The following PREPL variants were observed in gnomAD, a reference collection of about 807,000 sequenced individuals.
PREPL encodes the protein prolyl endopeptidase-like.
A neutral mutation model predicts 70.6 loss-of-function variants in PREPL; 77 were observed. That is an observed-to-expected ratio of 1.09 (90% CI 0.91 to 1.32). The LOEUF (loss-of-function observed/expected upper bound fraction) is 1.32, where lower values mean the gene tolerates loss of function less well. Among genes scored for constraint, PREPL ranks in the 40% most tolerant of loss-of-function variants. The pLI is 0.00. For missense variants in PREPL, 1,002 were observed against 778.2 expected (o/e 1.29, Z -3.42); for synonymous variants, 315 against 264.8 (o/e 1.19, Z -1.84).
chr2:44,332,252 C>G (rs1017478187), intron 8 of PREPL, among the ~76,000 whole-genome samples: 3 of 152,106 alleles, frequency 2.0e-5, no homozygotes, highest in Non-Finnish European at 4.4e-5. Flanking sequence ...GGCCGACATG[C>G]TATAAATTTT....
chr2:44,330,082 T>G (rs1673938675), intron 8 of PREPL, among the ~76,000 whole-genome samples: 1 of 151,912 alleles, frequency 6.6e-6, no homozygotes, highest in South Asian at 2.1e-4. Flanking sequence ...CCCAAGTTGT[T>G]ATGACATTGT....
intron 1 of PREPL, among the ~76,000 whole-genome samples, chr2:44,348,380 G>GAATA (rs1676049822): frequency 6.6e-6 from 1 of 152,136 alleles, no homozygotes; most frequent in Non-Finnish European, 1.5e-5. Flanking sequence ...AATCTATTCT[G>GAATA]AAACTGTAAA....
chr2:44,323,408 G>A lies in PREPL; in HGVS notation c.1483C>T (p.Pro495Ser), dbSNP rs757659663. 84 of 1,575,988 alleles carry A rather than the reference G, an allele frequency of 5.3e-5. No homozygotes were observed. The highest frequency in any genetic ancestry group is 7.0e-5 in the Non-Finnish European group (81 of 1,165,248). Residue 495 changes from proline (P) to serine (S), a missense_variant, in exon 11 of 14, where the codon CCT becomes TCT. Pro to Ser is a moderately conservative substitution (Grantham distance 74, BLOSUM62 -1). Coordinates refer to ENST00000409411, the MANE Select transcript of PREPL (RefSeq NM_001171613.2). ...ELVRAVTLEA[P>S]FLDVLNTMMD... ...ATGGTGTTGAGAACATCCAAGAAAG[G>A]TGCCTAAAAAAAAGGCAAAGAAACT...
chr2:44,319,371 TTAAG>T lies in PREPL; in HGVS notation c.*1981_*1984del, dbSNP rs1273243078. The stretch of plus-strand genomic sequence containing the variant: ...GTAACTGTCTTTCTGATAATCTATC[TTAAG>T]TAATACAAAAATGGGGGGAGGGGAA... On this transcript the variant is annotated 3_prime_UTR_variant, in exon 14 of 14. Transcript: ENST00000409411. The T allele has an allele frequency of 2.0e-5, 3 of 152,672 alleles. No homozygotes were observed. Among genetic ancestry groups the T allele is most frequent in the African/African-American group, 2.4e-5 (1 of 41,536 alleles). 9.5% of individuals were successfully genotyped at this position (152,672 alleles called of 1,614,324 possible). A position where few individuals can be genotyped will look rare whatever the true frequency, so the allele number is the denominator to read the frequency against.
In PREPL at chr2:44,334,968, C is replaced by T. The variant is rs76937533; in HGVS notation, c.889-2312G>A. Among the ~76,000 whole-genome samples, 556 of 152,228 alleles carry T rather than the reference C, an allele frequency of 3.7e-3. 2 individuals carry two copies. The highest frequency in any genetic ancestry group is 0.013 in the African/African-American group (537 of 41,548). ...CGCTATGGTTAAAGATTTTGTCTTT[C>T]GTGTATGGATGGCACTGTCTATGTA... On this transcript the variant is annotated intron_variant, in intron 7 of 13. Transcript: ENST00000409411.
At chr2:44,334,675 A>G (rs1674455616) in intron 7 of PREPL, among the ~76,000 whole-genome samples, 1 of 152,142 alleles carries the variant, frequency 6.6e-6, no homozygotes, top group African/African-American at 2.4e-5. Context: ...CCTCCAGAAT[A>G]GCTCGGACTA....
chr2:44,340,912 A>C (rs2103948995), intron 5 of PREPL, among the ~76,000 whole-genome samples: 1 of 147,536 alleles, frequency 6.8e-6, no homozygotes, highest in East Asian at 2.0e-4. Context: ...TGGGTGACAG[A>C]GTGAGACTCT....
intron 7 of PREPL, among the ~76,000 whole-genome samples, chr2:44,336,762 C>T (rs1019706856): frequency 2.0e-5 from 3 of 151,934 alleles, no homozygotes; most frequent in Admixed American, 2.0e-4. Context: ...CTTTGCACTC[C>T]AGCAGATGAA....
chr2:44,331,579 C>T (rs1026135076), intron 8 of PREPL, among the ~76,000 whole-genome samples: 1 of 152,120 alleles, frequency 6.6e-6, no homozygotes, highest in Non-Finnish European at 1.5e-5. Flanking sequence ...TCCCCTATCT[C>T]CTTTCTAGTT....
chr2:44,334,155 T>G lies in PREPL; in HGVS notation c.889-1499A>C, dbSNP rs1219854211. On this transcript the variant is annotated intron_variant, in intron 7 of 13. Transcript: ENST00000409411. The stretch of plus-strand genomic sequence containing the variant: ...AGTATTAACTAACTCAAGGATATCT[T>G]AAGCCACATTTCCTATTCAGATAAG... 8.5e-5 allele frequency among the ~76,000 whole-genome samples: 13 copies of G among 152,352 alleles called. No individual in the cohort carries two copies. In the East Asian group the frequency reaches 2.3e-3, roughly 27 times the overall value.
chr2:44,341,525 TTAAAAA>T (rs1440913003), intron 5 of PREPL, among the ~76,000 whole-genome samples: 4 of 152,048 alleles, frequency 2.6e-5, no homozygotes, highest in Admixed American at 2.6e-4. Flanking sequence ...TGATGACAAA[TTAAAAA>T]TAAACTACTT....
In PREPL at chr2:44,346,259, A is replaced by G. The variant is rs772193990; in HGVS notation, c.75+9T>C. 3.7e-6 allele frequency: 6 copies of G among 1,604,222 alleles called. No homozygotes were observed. The highest frequency in any genetic ancestry group is 2.2e-5 in the South Asian group (2 of 88,938). ...AAAAATTTTTTTTTAAAGACATGAG[A>G]TATCTTACTTCCACATTGATGATTT... On this transcript the variant is annotated intron_variant, in intron 2 of 13. Transcript: ENST00000409411.
intron 9 of PREPL, 90 bp from the exon 10 acceptor site, chr2:44,327,018 T>G: frequency 9.2e-7 from 1 of 1,087,706 alleles, no homozygotes; most frequent in Non-Finnish European, 1.4e-6. Flanking sequence ...GGCCTGTTTT[T>G]TGTGTGGCCC....
intron 5 of PREPL, among the ~76,000 whole-genome samples, chr2:44,340,927 CAAAAAAA>C (rs966745305): frequency 2.0e-5 from 2 of 97,958 alleles, no homozygotes; most frequent in East Asian, 6.4e-4. Flanking sequence ...GACTCTGTTT[CAAAAAAA>C]AAAAAAAAAA....
Position 44,318,323 on chromosome 2 carries a change from C to G in PREPL, c.*3033G>C. 1 of 208,198 alleles carries G rather than the reference C, an allele frequency of 4.8e-6. No homozygotes were observed. Among genetic ancestry groups the G allele is most frequent in the Non-Finnish European group, 1.0e-5 (1 of 99,138 alleles). The allele number at this position is 208,198 out of a possible 1,614,324, so 12.9% of individuals were successfully genotyped here. A position where few individuals can be genotyped will look rare whatever the true frequency, so the allele number is the denominator to read the frequency against. On this transcript the variant is annotated 3_prime_UTR_variant, in exon 14 of 14. Transcript: ENST00000409411. ...GCCAGGCTGGTCTTGAACTCCTGAC[C>G]TCTGGTGATCTGTCTGCCTTGCCTC... is the stretch of plus-strand genomic sequence containing the variant.
At chr2:44,327,967 T>A (rs541484361) in intron 9 of PREPL, among the ~76,000 whole-genome samples, 198 of 150,992 alleles carry the variant, frequency 1.3e-3, no homozygotes, top group African/African-American at 4.5e-3. Context: ...CTGGGCAACA[T>A]TGGAAAACCC....
intron 1 of PREPL, 21 bp from the exon 2 acceptor site, chr2:44,346,411 A>T (rs1220948044): frequency 1.2e-6 from 2 of 1,607,228 alleles, no homozygotes; most frequent in African/African-American, 2.7e-5. Flanking sequence ...TTTTGTTATG[A>T]TCAAAATATT....
intron 9 of PREPL, among the ~76,000 whole-genome samples, chr2:44,328,471 A>T (rs567843153): frequency 3.5e-5 from 5 of 142,130 alleles, no homozygotes; most frequent in Non-Finnish European, 7.6e-5. Flanking sequence ...AAAGGGTCTG[A>T]TGCTAAATGC....
rs188751102 is a variant in PREPL at position 44,335,712 on chromosome 2, T to A, written c.888+2639A>T. ...AAATCAGCAACTGGAAACTAAAGAG[T>A]TCCTGCACAGCAAAATAAACTATCA... On this transcript the variant is annotated intron_variant, in intron 7 of 13. Coordinates refer to ENST00000409411, the MANE Select transcript of PREPL (RefSeq NM_001171613.2). Among the ~76,000 whole-genome samples, 655 of 151,142 alleles carry A rather than the reference T, an allele frequency of 4.3e-3. 1 individual carries two copies. The highest frequency in any genetic ancestry group is 0.015 in the African/African-American group (622 of 41,166).
Sources: gnomAD v4.1 joint callset for allele counts (sites outside exome capture counted in the v4.1 genomes callset) on GRCh38, gnomAD v4.1.1 for gene constraint, MANE v1.5 for transcripts, NCBI Gene and HGNC (gene_info 2026-07-23, HGNC 2026-07-21) for gene names.